LOXL3: variants seen among roughly 807,000 people sequenced by gnomAD.
The protein encoded by LOXL3 is lysyl oxidase homolog 3.
LOXL3 carries 60 observed loss-of-function variants against 91.8 expected under a neutral mutation model. The observed-to-expected ratio is 0.65, with a 90% CI of 0.53 to 0.81. The LOEUF (loss-of-function observed/expected upper bound fraction) is 0.81. Among genes scored for constraint, LOXL3 ranks in the 30% least tolerant of loss-of-function variants. The probability of loss-of-function intolerance (pLI) is 0.00; values close to 1 mark genes in which losing one functional copy is unlikely to be tolerated. For synonymous variants in LOXL3, 355 were observed against 387.6 expected (o/e 0.92, Z 0.99); for missense variants, 874 against 1,000.4 (o/e 0.87, Z 1.70).
At chr2:74,546,366 C>T (rs140313660) in intron 4 of LOXL3, among the ~76,000 whole-genome samples, 1 of 152,318 alleles carries the variant, frequency 6.6e-6, no homozygotes, top group East Asian at 1.9e-4. Context: ...TTCCTTATCT[C>T]CCACAGAACA....
intron 1 of LOXL3, 117 bp from the exon 2 acceptor site, chr2:74,552,763 G>A (rs1677101903): frequency 2.2e-6 from 2 of 898,392 alleles, no homozygotes; most frequent in Admixed American, 2.9e-5. Context: ...CAGAGACAGC[G>A]AGAGACAACA....
chr2:74,549,511 C>G lies in LOXL3; in HGVS notation c.550G>C (p.Val184Leu). ...AVGWGRRPLP[V>L]TEGLVEVRLP... ...CTGACTTCCACCAGCCCCTCCGTCA[C>G]GGGCAGGGGTCGTCTGCCCCACCCA... Residue 184 changes from valine (V) to leucine (L), a missense_variant, in exon 4 of 14, where the codon GTG becomes CTG. Val to Leu is a conservative substitution (Grantham distance 32). Coordinates refer to ENST00000264094, the MANE Select transcript of LOXL3 (RefSeq NM_032603.5). The surrounding 1 kb of genome is among the most constrained non-coding windows in gnomAD (Gnocchi z 5.3). The G allele has an allele frequency of 6.2e-7, 1 of 1,613,748 alleles. No homozygotes were observed. Among genetic ancestry groups the G allele is most frequent in the Non-Finnish European group, 8.5e-7 (1 of 1,179,870 alleles).
chr2:74,555,580 C>T, upstream of LOXL3: 2 of 1,614,172 alleles, frequency 1.2e-6, no homozygotes, highest in East Asian at 4.5e-5. The surrounding 1 kb of genome is among the most constrained non-coding windows in gnomAD (Gnocchi z 6.1). Flanking sequence ...TACAGAAAGG[C>T]AGCTGGACTC....
chr2:74,533,604 A>T lies in LOXL3; in HGVS notation c.*2T>A. 6.2e-7 allele frequency: 1 copy of T among 1,613,966 alleles called. No individual in the cohort carries two copies. Among genetic ancestry groups the T allele is most frequent in the East Asian group, 2.2e-5 (1 of 44,872 alleles). On this transcript the variant is annotated 3_prime_UTR_variant, in exon 14 of 14. Coordinates refer to ENST00000264094, the MANE Select transcript of LOXL3 (RefSeq NM_032603.5). ...GTGGTGGTTTGCAGAGGGCAGTGGC[A>T]CTTAGATAATCTGGTTGCTGGTCTG...
upstream of LOXL3, chr2:74,555,699 G>A: frequency 6.2e-7 from 1 of 1,613,002 alleles, no homozygotes; most frequent in Non-Finnish European, 8.5e-7. This position sits in a 1 kb window ranked among gnomAD's most constrained non-coding sequence, Gnocchi z 6.1. Context: ...GGCAGGGATG[G>A]AGTGAAGAGG....
chr2:74,554,708 G>C, upstream of LOXL3: 1 of 1,593,492 alleles, frequency 6.3e-7, no homozygotes, highest in Admixed American at 1.7e-5. The surrounding 1 kb of genome is among the most constrained non-coding windows in gnomAD (Gnocchi z 4.9). Context: ...CTCCCGCCCC[G>C]CCTCCCGCCG....
chr2:74,536,802 C>A lies in LOXL3; in HGVS notation c.819G>T (p.Gly273=). The part of the protein sequence containing the change: ...YRANDTARCP[G]GGPAVVSCVP... ...CACAGCTCACCACTGCAGGGCCCCC[C>A]CCAGGGCACCTGGCGGTGTCATTGG... The change falls in exon 5 of 14, where the codon GGG becomes GGT. Residue 273 remains glycine, a synonymous_variant. Coordinates refer to ENST00000264094, the MANE Select transcript of LOXL3 (RefSeq NM_032603.5). This position sits in a 1 kb window ranked among gnomAD's most constrained non-coding sequence, Gnocchi z 4.5. The A allele has an allele frequency of 1.2e-6, 2 of 1,614,236 alleles. No homozygotes were observed. The highest frequency in any genetic ancestry group is 1.7e-6 in the Non-Finnish European group (2 of 1,180,036).
upstream of LOXL3, chr2:74,555,270 C>G (rs1456223232): frequency 6.2e-7 from 1 of 1,613,918 alleles, no homozygotes; most frequent in Non-Finnish European, 8.5e-7. This position sits in a 1 kb window ranked among gnomAD's most constrained non-coding sequence, Gnocchi z 6.1. Flanking sequence ...GCTCGCGCCG[C>G]CTGGACTGCA....
intron 4 of LOXL3, among the ~76,000 whole-genome samples, chr2:74,543,900 C>CAAAAAAAAAAAAAAAAAAAA (rs960168777): frequency 1.5e-4 from 10 of 65,130 alleles, no homozygotes; most frequent in African/African-American, 2.7e-4. Flanking sequence ...GGCTCTGTCT[C>CAAAAAAAAAAAAAAAAAAAA]AAAAAAAAAA....
chr2:74,543,914 A>AG (rs1451240722), intron 4 of LOXL3, among the ~76,000 whole-genome samples: 17 of 150,636 alleles, frequency 1.1e-4, no homozygotes, highest in Admixed American at 1.1e-3. Context: ...AAAAAAAAAA[A>AG]AAAAAAAAAG....
In LOXL3 at chr2:74,534,394, T is replaced by C; in HGVS notation, c.1861A>G (p.Ile621Val). 1 of 1,614,240 alleles carries C rather than the reference T, an allele frequency of 6.2e-7. No homozygotes were observed. Among genetic ancestry groups the C allele is most frequent in the East Asian group, 2.2e-5 (1 of 44,890 alleles). The change falls in exon 11 of 14, where the codon ATC becomes GTC. Residue 621 changes from isoleucine to valine, a missense_variant. Coordinates refer to ENST00000264094, the MANE Select transcript of LOXL3 (RefSeq NM_032603.5). The stretch of plus-strand genomic sequence containing the variant: ...ACCTTGGTGCCATTTGGGGTGAGGA[T>C]ATCATAGTGAGTGAAGATGTCCATG... ...HSMDIFTHYDILTPNGTKVAE... is the reference protein window; with the variant it reads ...HSMDIFTHYDVLTPNGTKVAE...
rs199744071 is a variant in LOXL3, at chr2:74,534,697, A to G, written c.1657T>C (p.Tyr553His). ...YIEDRPLHML[Y>H]CAAEENCLAS... ...AGGCAGTTCTCTTCCGCAGCACAGTACAACATATGCAGGGGCCGGTCTTCG... is the reference window on the plus strand; with the variant it reads ...AGGCAGTTCTCTTCCGCAGCACAGTGCAACATATGCAGGGGCCGGTCTTCG... The change falls in exon 10 of 14, where the codon TAC becomes CAC. Residue 553 changes from tyrosine to histidine, a missense_variant. Physicochemically the swap from Tyr to His is moderately conservative, Grantham distance 83. Coordinates refer to ENST00000264094, the MANE Select transcript of LOXL3 (RefSeq NM_032603.5). The G allele has an allele frequency of 1.2e-6, 2 of 1,614,192 alleles. No homozygotes were observed.
chr2:74,555,022 G>T, upstream of LOXL3: 1 of 1,392,316 alleles, frequency 7.2e-7, no homozygotes, highest in South Asian at 1.3e-5. This position sits in a 1 kb window ranked among gnomAD's most constrained non-coding sequence, Gnocchi z 6.1. Flanking sequence ...ATCGTCCTTG[G>T]GAAACTTCGC....
rs1469614472 is a variant in LOXL3 at position 74,534,092 on chromosome 2, C to T, written c.2076+8G>A. The T allele has an allele frequency of 6.2e-7, 1 of 1,613,950 alleles. No homozygotes were observed. The highest frequency in any genetic ancestry group is 8.5e-7 in the Non-Finnish European group (1 of 1,179,950). On this transcript the variant is annotated splice_region_variant and intron_variant, in intron 12 of 13. Transcript: ENST00000264094. ...CTCACCCATCTGGAAGCCCCAGACT[C>T]CAGGTACCTGGAGAATGTAGTTTCC...
intron 4 of LOXL3, chr2:74,539,751 G>C (rs1285217669): frequency 6.6e-6 from 1 of 152,666 alleles, no homozygotes; most frequent in Non-Finnish European, 1.5e-5. Flanking sequence ...ACCTCCTGGG[G>C]CCGCAGGGCG....
chr2:74,533,783 AG>A, intron 13 of LOXL3, 98 bp downstream of exon 13: 1 of 1,423,802 alleles, frequency 7.0e-7, no homozygotes, highest in Non-Finnish European at 9.9e-7. Context: ...AGAGCTCTAC[AG>A]GAAGGTGGGA....
At chr2:74,533,830 G>A (rs760293547) in intron 13 of LOXL3, 52 bp downstream of exon 13, 14 of 1,499,946 alleles carry the variant, frequency 9.3e-6, no homozygotes, top group South Asian at 2.3e-5. Flanking sequence ...GAGAATGAAC[G>A]TCTTTCCCTC....
Position 74,535,355 on chromosome 2 carries a change from C to T in LOXL3, c.1516G>A (p.Gly506Ser), listed in dbSNP as rs778429679. 3 of 1,614,112 alleles carry T rather than the reference C, an allele frequency of 1.9e-6. No homozygotes were observed. The highest frequency in any genetic ancestry group is 1.7e-5 in the Admixed American group (1 of 60,026). ...GTCCTCTTGCAGGTGATGTGGGTGC[C>T]ATGATGGGCACACTGATCCAGGGAC... is the stretch of plus-strand genomic sequence containing the variant. ...ELSLDQCAHH[G>S]THITCKRTGT... The change falls in exon 9 of 14, where the codon GGC (glycine) becomes AGC (serine). Residue 506 changes from glycine to serine, a missense_variant. Physicochemically the swap from Gly to Ser is moderately conservative, Grantham distance 56. Coordinates refer to ENST00000264094, the MANE Select transcript of LOXL3 (RefSeq NM_032603.5). This position sits in a 1 kb window ranked among gnomAD's most constrained non-coding sequence, Gnocchi z 4.2.
intron 4 of LOXL3, among the ~76,000 whole-genome samples, chr2:74,543,500 G>T (rs1388608544): frequency 1.3e-5 from 2 of 152,012 alleles, no homozygotes; most frequent in Admixed American, 1.3e-4. Context: ...GGATCCCAAA[G>T]TCAATCAATA....
Sources: allele counts gnomAD v4.1 joint callset (sites outside exome capture counted in the v4.1 genomes callset), GRCh38; gene constraint gnomAD v4.1.1; non-coding constraint Gnocchi (gnomAD v3.1); transcripts MANE v1.5; gene names NCBI Gene and HGNC (gene_info 2026-07-23, HGNC 2026-07-21).